PBX4: variants seen among roughly 807,000 people sequenced by gnomAD.
PBX4 encodes pre-B-cell leukemia transcription factor 4.
Under a neutral mutation model 35.1 loss-of-function variants are expected in PBX4, and 26 were observed. The observed-to-expected ratio is 0.74, with a 90% CI of 0.54 to 1.03. The LOEUF (loss-of-function observed/expected upper bound fraction) is 1.03. Ranked by LOEUF, PBX4 falls within the 50% of genes least tolerant of loss-of-function variation. PBX4 has a pLI of 0.00. For synonymous variants in PBX4, 199 were observed against 204.2 expected (o/e 0.97, Z 0.22); for missense variants, 448 against 504.3 (o/e 0.89, Z 1.07).
chr19:19,613,807 G>A (rs1391800106), intron 1 of PBX4, among the ~76,000 whole-genome samples: 1 of 152,116 alleles, frequency 6.6e-6, no homozygotes, highest in Non-Finnish European at 1.5e-5. Flanking sequence ...CCTGGCTCTG[G>A]GAACACAAAG....
intron 4 of PBX4, among the ~76,000 whole-genome samples, chr19:19,569,877 T>G (rs932012694): frequency 2.0e-5 from 3 of 151,930 alleles, no homozygotes; most frequent in Admixed American, 2.0e-4. Flanking sequence ...ACCACTGCAC[T>G]CCAGCCTGGG....
In PBX4 at chr19:19,562,901, C is replaced by T. The variant is rs1168481196; in HGVS notation, c.1032+608G>A. The stretch of plus-strand genomic sequence containing the variant: ...GCAGGACAGTGTGGGACGTGTGCTT[C>T]CCAGGACCAGGTGGGACCCCACAGA... On this transcript the variant is annotated intron_variant, in intron 7 of 7. Coordinates refer to ENST00000251203, the MANE Select transcript of PBX4 (RefSeq NM_025245.3). This position sits in a 1 kb window ranked among gnomAD's most constrained non-coding sequence, Gnocchi z 4.8. Among the ~76,000 whole-genome samples the T allele has an allele frequency of 2.0e-5, 3 of 152,162 alleles. No homozygotes were observed. The highest frequency in any genetic ancestry group is 7.2e-5 in the African/African-American group (3 of 41,440).
At chr19:19,590,631 G>A (rs568911004) in intron 2 of PBX4, among the ~76,000 whole-genome samples, 22 of 152,172 alleles carry the variant, frequency 1.4e-4, no homozygotes, top group African/African-American at 5.1e-4. Flanking sequence ...ACCACGCCCA[G>A]CTAATTTTTA....
At chr19:19,592,801 G>A (rs1368537275) in intron 2 of PBX4, among the ~76,000 whole-genome samples, 1 of 152,198 alleles carries the variant, frequency 6.6e-6, no homozygotes, top group African/African-American at 2.4e-5. Flanking sequence ...GCCAGGAATG[G>A]TCATTGTTCA....
At chr19:19,597,730 T>C (rs2061569397) in intron 2 of PBX4, among the ~76,000 whole-genome samples, 1 of 152,228 alleles carries the variant, frequency 6.6e-6, no homozygotes, top group Non-Finnish European at 1.5e-5. Context: ...AGTGACACGT[T>C]GTGCAGATGA....
At chr19:19,611,755 G>C (rs1456804005) in intron 1 of PBX4, among the ~76,000 whole-genome samples, 1 of 151,966 alleles carries the variant, frequency 6.6e-6, no homozygotes, top group East Asian at 1.9e-4. Flanking sequence ...GGCATTGCTG[G>C]GTTGCCTAAA....
At chr19:19,576,102 T>C (rs1165371846) in intron 2 of PBX4, among the ~76,000 whole-genome samples, 1 of 146,612 alleles carries the variant, frequency 6.8e-6, no homozygotes, top group African/African-American at 2.4e-5. Context: ...CATTTATGTA[T>C]TTAGGGGCTG....
At position 19,564,985 on chromosome 19, in the gene PBX4, C is replaced by G; in HGVS notation, c.873G>C (p.Thr291=). Residue 291 remains threonine (T), a synonymous_variant, in exon 6 of 8, where the codon ACG becomes ACC. Transcript: ENST00000251203. ...IYTGKTAVDT[T]EVGVPGNHAS... is the part of the protein sequence containing the mutation. ...CGTGGTTCCCTGGGACCCCAACTTC[C>G]GTGGTATCCACAGCCGTTTTACCCG... 6.2e-7 allele frequency: 1 copy of G among 1,614,208 alleles called. No individual in the cohort carries two copies. Among genetic ancestry groups the G allele is most frequent in the Non-Finnish European group, 8.5e-7 (1 of 1,180,034 alleles).
chr19:19,609,981 G>A (rs1023079520), intron 1 of PBX4, among the ~76,000 whole-genome samples: 10 of 152,196 alleles, frequency 6.6e-5, no homozygotes, highest in Non-Finnish European at 1.5e-4. Context: ...AGAGGCACTC[G>A]GTAGCTGTCA....
At chr19:19,572,672 C>CTGA (rs1346813409) in intron 2 of PBX4, among the ~76,000 whole-genome samples, 1 of 150,184 alleles carries the variant, frequency 6.7e-6, no homozygotes, top group African/African-American at 2.4e-5. Context: ...CGAGACCAGC[C>CTGA]CAGCCAACGT....
intron 1 of PBX4, among the ~76,000 whole-genome samples, chr19:19,601,097 A>AC (rs2061594898): frequency 6.6e-6 from 1 of 152,152 alleles, no homozygotes; most frequent in Non-Finnish European, 1.5e-5. Flanking sequence ...CCAACAAGAA[A>AC]CCCATCAGCC....
intron 2 of PBX4, among the ~76,000 whole-genome samples, chr19:19,595,591 G>A (rs1275735045): frequency 6.6e-6 from 1 of 152,140 alleles, no homozygotes; most frequent in African/African-American, 2.4e-5. Context: ...CAGGTCATCA[G>A]ATATTTACAT....
At chr19:19,611,678 C>CAA (rs1344348105) in intron 1 of PBX4, among the ~76,000 whole-genome samples, 20 of 53,626 alleles carry the variant, frequency 3.7e-4, no homozygotes, top group Middle Eastern at 0.01. Context: ...GATTCTGTCT[C>CAA]AAAAAAAAAA....
At position 19,570,127 on chromosome 19, in the gene PBX4, G is replaced by C. The variant is rs762057005; in HGVS notation, c.614C>G (p.Ser205Trp). 6.2e-6 allele frequency: 10 copies of C among 1,607,494 alleles called. No individual in the cohort carries two copies. The highest frequency in any genetic ancestry group is 1.7e-5 in the Admixed American group (1 of 59,528). The change falls in exon 4 of 8, where the codon TCG becomes TGG. Residue 205 changes from serine to tryptophan, a missense_variant. By Grantham distance (177) the Ser-to-Trp change is radical. Coordinates refer to ENST00000251203, the MANE Select transcript of PBX4 (RefSeq NM_025245.3). Reference sequence around the variant, plus strand: ...CCCTGACCTGGCATCGAGCAGCCGCGAACGCAGGGTCATCACTGCCTCACA... The same window carrying C: ...CCCTGACCTGGCATCGAGCAGCCGCCAACGCAGGGTCATCACTGCCTCACA... ...STCEAVMTLR[S>W]RLLDARRKRR... is the part of the protein sequence containing the mutation.
intron 2 of PBX4, among the ~76,000 whole-genome samples, chr19:19,595,497 T>A (rs901483698): frequency 2.0e-5 from 3 of 152,154 alleles, no homozygotes; most frequent in Admixed American, 6.6e-5. Context: ...AACTTGTGTG[T>A]CTGGTTCCCC....
At chr19:19,617,718 G>A (rs2061695455) in intron 1 of PBX4, among the ~76,000 whole-genome samples, 1 of 151,898 alleles carries the variant, frequency 6.6e-6, no homozygotes, top group African/African-American at 2.4e-5. Context: ...AAGAAAATAG[G>A]TCTTCCATCT....
At position 19,563,530 on chromosome 19, in the gene PBX4, C is replaced by T; in HGVS notation, c.1011G>A (p.Gly337=). The change falls in exon 7 of 8, where the codon GGG becomes GGA. Residue 337 remains glycine (G), a synonymous_variant. Coordinates refer to ENST00000251203, the MANE Select transcript of PBX4 (RefSeq NM_025245.3). This position sits in a 1 kb window ranked among gnomAD's most constrained non-coding sequence, Gnocchi z 5.1. ...TCACCTGGGACTGCAGGCAGCCTCCCCCAGGAGGAGGCTGGAGAGAGGCCA... is the reference window on the plus strand; with the variant it reads ...TCACCTGGGACTGCAGGCAGCCTCCTCCAGGAGGAGGCTGGAGAGAGGCCA... ...RTLASLQPPP[G]GGCLQSQAQG... 10 of 1,550,002 alleles carry T rather than the reference C, an allele frequency of 6.5e-6. No individual in the cohort carries two copies. Among genetic ancestry groups the T allele is most frequent in the Non-Finnish European group, 7.0e-6 (8 of 1,146,580 alleles).
chr19:19,578,679 A>G (rs1323024742), intron 2 of PBX4, among the ~76,000 whole-genome samples: 1 of 152,198 alleles, frequency 6.6e-6, no homozygotes, highest in Non-Finnish European at 1.5e-5. Context: ...AAATCAAACA[A>G]TGACATAAAA....
At chr19:19,598,457 C>T (rs920491759) in intron 2 of PBX4, among the ~76,000 whole-genome samples, 3 of 151,902 alleles carry the variant, frequency 2.0e-5, no homozygotes, top group Non-Finnish European at 4.4e-5. Context: ...GCCACCATGC[C>T]TGGCTAATTT....
Sources: allele counts gnomAD v4.1 joint callset (sites outside exome capture counted in the v4.1 genomes callset), GRCh38; gene constraint gnomAD v4.1.1; non-coding constraint Gnocchi (gnomAD v3.1); transcripts MANE v1.5; gene names NCBI Gene and HGNC (gene_info 2026-07-23, HGNC 2026-07-21).